Variants in EYS observed in about 807,000 individuals in gnomAD.
EYS encodes the protein EGF-like photoreceptor maintenance factor.
Under a neutral mutation model 282.1 loss-of-function variants are expected in EYS, and 250 were observed. That is an observed-to-expected ratio of 0.89 (90% CI 0.80 to 0.98). EYS has a LOEUF of 0.98. Among genes scored for constraint, EYS ranks in the 50% least tolerant of loss-of-function variants. The pLI, the probability that EYS is intolerant of heterozygous loss-of-function variation, is 0.00. For missense variants in EYS, 4,016 were observed against 3,709.0 expected, an observed-to-expected ratio of 1.08 and a Z score of -2.15; for synonymous variants, 1,355 against 1,282.9, an observed-to-expected ratio of 1.06 and a Z score of -1.20.
chr6:65,300,484 A>G (rs1458831942), intron 11 of EYS, among the ~76,000 whole-genome samples: 1 of 152,030 alleles, frequency 6.6e-6, no homozygotes, highest in East Asian at 1.9e-4. Flanking sequence ...AGTTTTTTTC[A>G]AAAGTTTAAC....
intron 26 of EYS, among the ~76,000 whole-genome samples, chr6:64,444,573 G>A (rs2150471525): frequency 6.6e-6 from 1 of 152,220 alleles, no homozygotes; most frequent in African/African-American, 2.4e-5. Context: ...GCATTCAATT[G>A]TAAAGTACTT....
chr6:64,590,247 C>G lies in EYS; in HGVS notation c.5620G>C (p.Ala1874Pro). 6.5e-7 allele frequency: 1 copy of G among 1,547,968 alleles called. No homozygotes were observed. The highest frequency in any genetic ancestry group is 8.7e-7 in the Non-Finnish European group (1 of 1,145,094). Residue 1874 changes from alanine (A) to proline (P), a missense_variant, in exon 26 of 43, where the codon GCA becomes CCA. Transcript: ENST00000503581. ...LTLSSLESIL[A>P]PQRLMISDFS... is the part of the protein sequence containing the mutation. ...CCAGAAATCATCAGCCGTTGAGGTG[C>G]CAGAATGGATTCCAGTGAAGACAAA... is the stretch of plus-strand genomic sequence containing the variant.
chr6:64,631,905 T>C (rs1435323266), intron 22 of EYS, among the ~76,000 whole-genome samples: 1 of 152,036 alleles, frequency 6.6e-6, no homozygotes, highest in Non-Finnish European at 1.5e-5. Context: ...GTTACATACA[T>C]TCACTAAATT....
intron 31 of EYS, among the ~76,000 whole-genome samples, chr6:64,185,180 AAAT>A (rs573926745): frequency 9.1e-5 from 13 of 142,392 alleles, no homozygotes; most frequent in African/African-American, 3.1e-4. Flanking sequence ...AGAAATAAAT[AAAT>A]AATAAATATG....
At chr6:64,857,659 T>C (rs1164731994) in intron 19 of EYS, among the ~76,000 whole-genome samples, 1 of 152,182 alleles carries the variant, frequency 6.6e-6, no homozygotes, top group Non-Finnish European at 1.5e-5. Context: ...CATTTCTATT[T>C]TTAGTTTTTA....
intron 13 of EYS, among the ~76,000 whole-genome samples, chr6:65,039,550 A>G (rs182278198): frequency 6.6e-6 from 1 of 151,648 alleles, no homozygotes; most frequent in East Asian, 2.0e-4. Flanking sequence ...CATTGAATCT[A>G]TGAATTATCT....
intron 7 of EYS, among the ~76,000 whole-genome samples, chr6:65,400,236 AG>A (rs543977005): frequency 5.0e-4 from 76 of 152,158 alleles, no homozygotes; most frequent in African/African-American, 1.6e-3. Context: ...ATACTGGTCA[AG>A]TATCCTTTTT....
intron 12 of EYS, among the ~76,000 whole-genome samples, chr6:65,193,449 G>T (rs1765690838): frequency 6.6e-6 from 1 of 151,772 alleles, no homozygotes; most frequent in African/African-American, 2.4e-5. Flanking sequence ...TTTCAAAAAG[G>T]TGAAGTGGGA....
At chr6:65,154,298 A>G (rs1764683711) in intron 12 of EYS, among the ~76,000 whole-genome samples, 1 of 151,788 alleles carries the variant, frequency 6.6e-6, no homozygotes, top group Admixed American at 6.6e-5. Flanking sequence ...AAAGTAGAAA[A>G]AATTTCAAAA....
chr6:64,954,335 G>GA lies in EYS; in HGVS notation c.2260-8422dup, dbSNP rs1466457852. 5.9e-5 allele frequency among the ~76,000 whole-genome samples: 9 copies of GA among 151,748 alleles called. 1 individual carries two copies. The South Asian group carries it at 1.5e-3, about 25-fold the overall frequency. On this transcript the variant is annotated intron_variant, in intron 14 of 42. Transcript: ENST00000503581. ...TTAGACTAACTGTAATAAACCATGGGAAAAAATAACTCATCTGTCATTGAT... is the reference window on the plus strand; with the variant it reads ...TTAGACTAACTGTAATAAACCATGGGAAAAAAATAACTCATCTGTCATTGAT...
At chr6:63,963,354 G>T (rs1019759627) in intron 35 of EYS, among the ~76,000 whole-genome samples, 1 of 151,646 alleles carries the variant, frequency 6.6e-6, no homozygotes, top group African/African-American at 2.4e-5. Context: ...CTTTATAAAA[G>T]AAAATTAAAA....
intron 29 of EYS, chr6:64,379,787 G>T (rs980187406): frequency 6.6e-6 from 1 of 152,142 alleles, no homozygotes. Context: ...TTTATATGCT[G>T]AGGAAATGGT....
rs150633110 is a variant in EYS at position 64,429,698 on chromosome 6, T to G, written c.5927+6476A>C. 1.4e-4 allele frequency among the ~76,000 whole-genome samples: 21 copies of G among 152,250 alleles called. 1 individual carries two copies. In the East Asian group the frequency reaches 3.7e-3, roughly 27 times the overall value. Reference sequence around the variant, plus strand: ...ATTCTAATTAACTGGCCTATATAGGTTACATTTTAAGATCCTCTTTTCCCA... The same window carrying G: ...ATTCTAATTAACTGGCCTATATAGGGTACATTTTAAGATCCTCTTTTCCCA... On this transcript the variant is annotated intron_variant, in intron 28 of 42. Coordinates refer to ENST00000503581, the MANE Select transcript of EYS (RefSeq NM_001142800.2).
intron 29 of EYS, among the ~76,000 whole-genome samples, chr6:64,341,636 A>G (rs12208631): frequency 0.028 from 4,200 of 151,790 alleles, 88 homozygotes; most frequent in Non-Finnish European, 0.041. Context: ...TAACAATCCT[A>G]ATTCTCACAT....
At chr6:65,472,686 G>A (rs1420053839) in intron 5 of EYS, among the ~76,000 whole-genome samples, 1 of 151,958 alleles carries the variant, frequency 6.6e-6, no homozygotes, top group Non-Finnish European at 1.5e-5. Context: ...TCAAAGAGAG[G>A]AAGTCAAACA....
At chr6:65,553,857 C>A (rs2127336189) in intron 2 of EYS, among the ~76,000 whole-genome samples, 1 of 152,074 alleles carries the variant, frequency 6.6e-6, no homozygotes, top group Non-Finnish European at 1.5e-5. Context: ...TACTCATATT[C>A]ATTAATCAAA....
At chr6:63,798,576 C>A (rs1011087303) in intron 37 of EYS, among the ~76,000 whole-genome samples, 3 of 152,194 alleles carry the variant, frequency 2.0e-5, no homozygotes, top group Admixed American at 2.0e-4. Context: ...CCATAGCCTG[C>A]TCTCATTCAT....
chr6:64,964,310 G>C (rs186764952), intron 14 of EYS, among the ~76,000 whole-genome samples: 78 of 151,916 alleles, frequency 5.1e-4, no homozygotes, highest in Non-Finnish European at 8.8e-4. Flanking sequence ...CCCTTCAAAA[G>C]TTTTCATACA....
rs116090340 is a variant in EYS, at chr6:65,404,299, C to T, written c.1056+875G>A. Among the ~76,000 whole-genome samples, 508 of 152,210 alleles carry T rather than the reference C, an allele frequency of 3.3e-3. 4 individuals are homozygous for T. Among genetic ancestry groups the T allele is most frequent in the African/African-American group, 0.011 (459 of 41,550 alleles). On this transcript the variant is annotated intron_variant, in intron 6 of 42. Coordinates refer to ENST00000503581, the MANE Select transcript of EYS (RefSeq NM_001142800.2). ...CCCAAATAATCCAAGATAACATCAG[C>T]TGATTAGCAGCCTTTGTTCCATCTG... is the stretch of plus-strand genomic sequence containing the variant.
Sources: allele counts gnomAD v4.1 joint callset (sites outside exome capture counted in the v4.1 genomes callset), GRCh38; gene constraint gnomAD v4.1.1; transcripts MANE v1.5; gene names NCBI Gene and HGNC (gene_info 2026-07-23, HGNC 2026-07-21).